MMP17: variants seen among roughly 807,000 people sequenced by gnomAD.
MMP17 encodes matrix metallopeptidase 17.
MMP17 carries 54 observed loss-of-function variants against 49.1 expected under a neutral mutation model. That is an observed-to-expected ratio of 1.10 (90% CI 0.88 to 1.38). MMP17 has a LOEUF of 1.38. Among genes scored for constraint, MMP17 ranks in the 40% most tolerant of loss-of-function variants. MMP17 has a pLI of 0.00. For synonymous variants in MMP17, 397 were observed against 383.1 expected (o/e 1.04, Z -0.42); for missense variants, 837 against 853.7 (o/e 0.98, Z 0.24).
rs1373994020 is a variant in MMP17 at position 131,828,615 on chromosome 12, G to T, written c.121G>T (p.Ala41Ser). 1.2e-6 allele frequency: 1 copy of T among 812,076 alleles called. No homozygotes were observed. Among genetic ancestry groups the T allele is most frequent in the South Asian group, 5.5e-5 (1 of 18,056 alleles). 50.3% of individuals were successfully genotyped at this position (812,076 alleles called of 1,614,324 possible). A position where few individuals can be genotyped will look rare whatever the true frequency, so the allele number is the denominator to read the frequency against. The change falls in exon 1 of 10, where the codon GCA (alanine) becomes TCA (serine). Residue 41 changes from alanine to serine, a missense_variant. Coordinates refer to ENST00000360564, the MANE Select transcript of MMP17 (RefSeq NM_016155.7). ...LGTRGGCAAP[A>S]PAPRAEDLSL... ...GACCCGCGGGGGCTGCGCCGCGCCCGCACCCGCGCCGCGCGCCGAGGACCT... is the reference window on the plus strand; with the variant it reads ...GACCCGCGGGGGCTGCGCCGCGCCCTCACCCGCGCCGCGCGCCGAGGACCT...
In MMP17 at chr12:131,845,343, G is replaced by A. The variant is rs1887648544; in HGVS notation, c.1098G>A (p.Leu366=). The change falls in exon 8 of 10, where the codon CTG becomes CTA. Residue 366 remains leucine, a synonymous_variant. Coordinates refer to ENST00000360564, the MANE Select transcript of MMP17 (RefSeq NM_016155.7). ...CGCGGGACCGGCACCTGGTGTCCCT[G>A]CAGCCGGCACAGATGCACCGCTTCT... is the stretch of plus-strand genomic sequence containing the variant. ...RLTRDRHLVS[L]QPAQMHRFWR... The A allele has an allele frequency of 3.1e-6, 5 of 1,603,682 alleles. No homozygotes were observed. Among genetic ancestry groups the A allele is most frequent in the Non-Finnish European group, 4.3e-6 (5 of 1,175,380 alleles).
intron 1 of MMP17, among the ~76,000 whole-genome samples, chr12:131,833,325 C>T (rs1465709371): frequency 1.3e-5 from 2 of 152,228 alleles, no homozygotes; most frequent in East Asian, 1.9e-4. Flanking sequence ...ACATAATGAC[C>T]GCCTGAGACG....
intron 1 of MMP17, among the ~76,000 whole-genome samples, chr12:131,831,062 G>A (rs1326107675): frequency 6.6e-6 from 1 of 152,298 alleles, no homozygotes; most frequent in South Asian, 2.1e-4. Context: ...ACCGTGGGCC[G>A]TGCGATTGCA....
At chr12:131,840,450 G>A in intron 3 of MMP17, 123 bp from the exon 4 acceptor site, 1 of 1,019,922 alleles carries the variant, frequency 9.8e-7, no homozygotes, top group Non-Finnish European at 1.4e-6. Flanking sequence ...GGGGAGGAAG[G>A]CGGAAGATGG....
At chr12:131,839,210 C>G (rs567115396) in intron 3 of MMP17, among the ~76,000 whole-genome samples, 1 of 152,150 alleles carries the variant, frequency 6.6e-6, no homozygotes, top group South Asian at 2.1e-4. Flanking sequence ...CCTGTCCGCG[C>G]GCAGCCTCCT....
chr12:131,841,299 T>G (rs570144259), intron 4 of MMP17, among the ~76,000 whole-genome samples: 1 of 152,170 alleles, frequency 6.6e-6, no homozygotes, highest in Admixed American at 6.5e-5. Flanking sequence ...CCCACAGCAT[T>G]GGGCCTCAGG....
At chr12:131,834,277 C>A (rs966309751) in intron 1 of MMP17, among the ~76,000 whole-genome samples, 1 of 152,152 alleles carries the variant, frequency 6.6e-6, no homozygotes, top group African/African-American at 2.4e-5. Context: ...AGCCCCCTCC[C>A]GCCTCCTCCC....
At chr12:131,836,507 G>C (rs1887091414) in intron 1 of MMP17, among the ~76,000 whole-genome samples, 1 of 147,376 alleles carries the variant, frequency 6.8e-6, no homozygotes, top group South Asian at 2.1e-4. Context: ...TCTTTAAAAA[G>C]TTATGTTTTT....
chr12:131,839,056 C>T (rs1887245291), intron 3 of MMP17, among the ~76,000 whole-genome samples: 3 of 152,202 alleles, frequency 2.0e-5, no homozygotes, highest in Non-Finnish European at 4.4e-5. Flanking sequence ...GCTCTCTCCC[C>T]ACTCTGGAGG....
At chr12:131,834,063 G>A (rs979519045) in intron 1 of MMP17, among the ~76,000 whole-genome samples, 8 of 152,260 alleles carry the variant, frequency 5.3e-5, no homozygotes, top group African/African-American at 1.9e-4. Context: ...CTGCATCTGC[G>A]TCAGAGTCAG....
At chr12:131,834,906 C>T (rs995057669) in intron 1 of MMP17, among the ~76,000 whole-genome samples, 5 of 152,206 alleles carry the variant, frequency 3.3e-5, no homozygotes, top group African/African-American at 7.2e-5. Flanking sequence ...TCCCCACAGC[C>T]GCGCCTCCAC....
chr12:131,850,159 G>T, intron 9 of MMP17, 100 bp downstream of exon 9: 1 of 1,424,666 alleles, frequency 7.0e-7, no homozygotes, highest in South Asian at 1.4e-5. Flanking sequence ...AAAGGAGGAC[G>T]GCCCCGGTCG....
chr12:131,850,211 G>A (rs544772922), intron 9 of MMP17, 152 bp downstream of exon 9: 33 of 1,120,920 alleles, frequency 2.9e-5, no homozygotes, highest in Non-Finnish European at 3.3e-5. Flanking sequence ...TGGAGCTGCC[G>A]ACCCTGCAGG....
chr12:131,842,224 G>A (rs1887452173), intron 5 of MMP17, among the ~76,000 whole-genome samples: 1 of 152,194 alleles, frequency 6.6e-6, no homozygotes, highest in Admixed American at 6.5e-5. Context: ...CCCTCTGCTG[G>A]GTTCACATCA....
At chr12:131,843,833 C>T (rs1018406179) in intron 5 of MMP17, among the ~76,000 whole-genome samples, 164 bp from the exon 6 acceptor site, 1 of 152,152 alleles carries the variant, frequency 6.6e-6, no homozygotes, top group Admixed American at 6.5e-5. Flanking sequence ...CCCACCTCGA[C>T]GTCAGCTCTG....
At chr12:131,834,512 C>T (rs911970570) in intron 1 of MMP17, among the ~76,000 whole-genome samples, 1 of 152,038 alleles carries the variant, frequency 6.6e-6, no homozygotes, top group Non-Finnish European at 1.5e-5. Flanking sequence ...TCTGTAGGTA[C>T]TGGGGGCAGG....
Position 131,851,115 on chromosome 12 carries a change from G to A in MMP17, c.1653G>A (p.Gln551=). 2 of 1,591,706 alleles carry A rather than the reference G, an allele frequency of 1.3e-6. No individual in the cohort carries two copies. Among genetic ancestry groups the A allele is most frequent in the Non-Finnish European group, 1.7e-6 (2 of 1,169,858 alleles). Residue 551 remains glutamine (Q), a synonymous_variant, in exon 10 of 10, where the codon CAG becomes CAA. Coordinates refer to ENST00000360564, the MANE Select transcript of MMP17 (RefSeq NM_016155.7). The stretch of plus-strand genomic sequence containing the variant: ...GCGCCCCTCCAGGACAACATGACCA[G>A]AGCCGCTCGGAGGACGGTTACGAGG... ...GPRAPPGQHD[Q]SRSEDGYEVC... is the part of the protein sequence containing the mutation.
chr12:131,851,435 C>A lies in MMP17; in HGVS notation c.*161C>A. 1.8e-6 allele frequency: 1 copy of A among 571,342 alleles called. No individual in the cohort carries two copies. Among genetic ancestry groups the A allele is most frequent in the Non-Finnish European group, 2.7e-6 (1 of 374,900 alleles). 35.4% of individuals were successfully genotyped at this position (571,342 alleles called of 1,614,324 possible). On this transcript the variant is annotated 3_prime_UTR_variant, in exon 10 of 10. Transcript: ENST00000360564. ...GAGGGCACTGTCCGCCAGGGCTGGG[C>A]AGGCTCAGGTGGCAAGGACGGAGCT...
Position 131,851,639 on chromosome 12 carries a change from C to T in MMP17, c.*365C>T. The T allele has an allele frequency of 4.4e-6, 1 of 227,958 alleles. No individual in the cohort carries two copies. Among genetic ancestry groups the T allele is most frequent in the Non-Finnish European group, 8.5e-6 (1 of 117,032 alleles). The allele number at this position is 227,958 out of a possible 1,614,324, so 14.1% of individuals were successfully genotyped here. A position where few individuals can be genotyped will look rare whatever the true frequency, so the allele number is the denominator to read the frequency against. ...CCCACCCACACTGCTGCCTGGTGCT[C>T]CCGCCGGCCCACAGGGCCTCCGTCC... is the stretch of plus-strand genomic sequence containing the variant. On this transcript the variant is annotated 3_prime_UTR_variant, in exon 10 of 10. Coordinates refer to ENST00000360564, the MANE Select transcript of MMP17 (RefSeq NM_016155.7).
Sources: allele counts gnomAD v4.1 joint callset (sites outside exome capture counted in the v4.1 genomes callset), GRCh38; gene constraint gnomAD v4.1.1; transcripts MANE v1.5; gene names NCBI Gene and HGNC (gene_info 2026-07-23, HGNC 2026-07-21).